Variants in DOCK10 observed in about 807,000 individuals in gnomAD.
DOCK10 encodes dedicator of cytokinesis 10.
Under a neutral mutation model 280.1 loss-of-function variants are expected in DOCK10, and 145 were observed. The observed-to-expected ratio is 0.52, with a 90% confidence interval of 0.45 to 0.59. The LOEUF (loss-of-function observed/expected upper bound fraction) is 0.59. DOCK10 is among the 20% of genes least tolerant of loss of function. The probability of loss-of-function intolerance (pLI) is 0.00; values close to 1 mark genes in which losing one functional copy is unlikely to be tolerated. For missense variants in DOCK10, 2,368 were observed against 2,651.7 expected (o/e 0.89, Z 2.35); for synonymous variants, 915 against 942.2 (o/e 0.97, Z 0.53).
chr2:224,921,318 A>G (rs1369506155), intron 2 of DOCK10, among the ~76,000 whole-genome samples: 1 of 150,636 alleles, frequency 6.6e-6, no homozygotes, highest in Admixed American at 6.6e-5. Context: ...TCAATAAATA[A>G]TAATACTAAC....
At position 224,807,957 on chromosome 2, in the gene DOCK10, T is replaced by G; in HGVS notation, c.3539A>C (p.Lys1180Thr). The change falls in exon 32 of 56, where the codon AAA becomes ACA. Residue 1180 changes from lysine (K) to threonine (T), a missense_variant. Physicochemically the swap from Lys to Thr is moderately conservative, Grantham distance 78 (BLOSUM62 -1). This residue lies in a region of DOCK10 where 1,159 missense variants were observed against 1,400.8 expected (regional missense o/e 0.83). Coordinates refer to ENST00000258390, the MANE Select transcript of DOCK10 (RefSeq NM_014689.3). ...AAATGAATGCTTAGCCATTAGATTTTTTAGGACAGCTAAAGCTAAGTGTCT... is the reference window on the plus strand; with the variant it reads ...AAATGAATGCTTAGCCATTAGATTTGTTAGGACAGCTAAAGCTAAGTGTCT... ...DVRHLALAVL[K>T]NLMAKHSFDD... The G allele has an allele frequency of 6.2e-7, 1 of 1,612,914 alleles. No individual in the cohort carries two copies. The highest frequency in any genetic ancestry group is 1.1e-5 in the South Asian group (1 of 90,912).
At position 225,010,973 on chromosome 2, in the gene DOCK10, G is replaced by A. The variant is rs183409230; in HGVS notation, c.123+31279C>T. On this transcript the variant is annotated intron_variant, in intron 1 of 55. Coordinates refer to ENST00000258390, the MANE Select transcript of DOCK10 (RefSeq NM_014689.3). The stretch of plus-strand genomic sequence containing the variant: ...TCTCAGCTGATGAGTCAAATACTTC[G>A]AAGGGAAAATATAGTAAAATATTTC... Among the ~76,000 whole-genome samples, 6 of 152,242 alleles carry A rather than the reference G, an allele frequency of 3.9e-5. No individual in the cohort carries two copies. In the East Asian group the frequency reaches 9.7e-4, roughly 25 times the overall value.
chr2:224,909,892 TAAAAC>T lies in DOCK10; in HGVS notation c.333+6798_333+6802del, dbSNP rs199659232. On this transcript the variant is annotated intron_variant, in intron 3 of 55. Coordinates refer to ENST00000258390, the MANE Select transcript of DOCK10 (RefSeq NM_014689.3). ...GATAGGGAGGAGAATTAATAACAGATAAAACAGAAAAGGAAGAAGCTGTTCATTTT... is the reference window on the plus strand; with the variant it reads ...GATAGGGAGGAGAATTAATAACAGATAGAAAAGGAAGAAGCTGTTCATTTT... Among the ~76,000 whole-genome samples the T allele has an allele frequency of 5.6e-4, 85 of 151,576 alleles. 1 individual carries two copies. In the East Asian group the frequency reaches 0.016, roughly 28 times the overall value.
chr2:224,964,802 C>T (rs1704638740), intron 1 of DOCK10, among the ~76,000 whole-genome samples: 1 of 152,176 alleles, frequency 6.6e-6, no homozygotes, highest in African/African-American at 2.4e-5. Context: ...TCTCTTCTCC[C>T]TTCGGCCACT....
chr2:224,959,784 C>T (rs1246644246), intron 1 of DOCK10, among the ~76,000 whole-genome samples: 2 of 152,156 alleles, frequency 1.3e-5, no homozygotes, highest in African/African-American at 2.4e-5. Flanking sequence ...AAACGGAAGC[C>T]GACACTGGGA....
intron 26 of DOCK10, among the ~76,000 whole-genome samples, chr2:224,831,089 T>A (rs186368098): frequency 3.3e-5 from 5 of 152,172 alleles, no homozygotes; most frequent in East Asian, 1.9e-4. Flanking sequence ...GTGGTCACCA[T>A]GCCCAGCTAA....
rs66476455 is a variant in DOCK10, at chr2:224,963,996, C to CTTT, written c.124-32331_124-32329dup. On this transcript the variant is annotated intron_variant, in intron 1 of 55. Transcript: ENST00000258390. ...TGTTTTCACAATTTGGTCTAAAATT[C>CTTT]TTTTTTTTTTTTTTTTTTTACAATA... Among the ~76,000 whole-genome samples the CTTT allele has an allele frequency of 5.5e-3, 679 of 122,776 alleles. 7 individuals are homozygous for CTTT. The highest frequency in any genetic ancestry group is 0.019 in the African/African-American group (633 of 33,272). The allele number at this position is 122,776 out of a possible 152,430, so 80.5% of individuals were successfully genotyped here.
chr2:224,960,185 T>A lies in DOCK10; in HGVS notation c.124-28517A>T, dbSNP rs1360541951. Among the ~76,000 whole-genome samples the A allele has an allele frequency of 2.0e-5, 3 of 152,160 alleles. No individual in the cohort carries two copies. In the South Asian group the frequency reaches 6.2e-4, roughly 32 times the overall value. On this transcript the variant is annotated intron_variant, in intron 1 of 55. Transcript: ENST00000258390. ...GCACATTTATTATCATTATTATAAT[T>A]ATTATTGTTATTCCTATTGTTCCTG... is the stretch of plus-strand genomic sequence containing the variant.
At chr2:224,825,135 C>T (rs755222554) in intron 27 of DOCK10, among the ~76,000 whole-genome samples, 1 of 151,946 alleles carries the variant, frequency 6.6e-6, no homozygotes, top group Non-Finnish European at 1.5e-5. Flanking sequence ...CCTGCCACCA[C>T]ACCTGGCTAA....
intron 52 of DOCK10, among the ~76,000 whole-genome samples, chr2:224,773,756 C>T (rs1297422276): frequency 2.6e-5 from 4 of 151,800 alleles, no homozygotes; most frequent in Non-Finnish European, 5.9e-5. Flanking sequence ...CTCAGCCTCT[C>T]GAGTAGCTGG....
chr2:225,007,759 A>G (rs1456399993), intron 1 of DOCK10, among the ~76,000 whole-genome samples: 1 of 152,170 alleles, frequency 6.6e-6, no homozygotes, highest in Non-Finnish European at 1.5e-5. Context: ...TTGCAAGGAG[A>G]GCAATGAAGA....
intron 2 of DOCK10, among the ~76,000 whole-genome samples, chr2:224,930,925 C>A (rs1285806587): frequency 6.6e-6 from 1 of 152,190 alleles, no homozygotes; most frequent in Non-Finnish European, 1.5e-5. Flanking sequence ...TGGGTGCTCA[C>A]CATCCACAAC....
intron 1 of DOCK10, among the ~76,000 whole-genome samples, chr2:225,036,472 T>C (rs941822960): frequency 6.6e-6 from 1 of 152,186 alleles, no homozygotes; most frequent in Non-Finnish European, 1.5e-5. Context: ...TGGCTAAAGA[T>C]GTAGGTTATT....
intron 1 of DOCK10, among the ~76,000 whole-genome samples, chr2:224,950,644 T>C (rs1703678065): frequency 6.6e-6 from 1 of 152,170 alleles, no homozygotes; most frequent in Non-Finnish European, 1.5e-5. Context: ...TAATGTGCAA[T>C]GCTGATTTAG....
rs1038005511 is a variant in DOCK10, at chr2:224,837,755, T to G, written c.2850+7A>C. The G allele has an allele frequency of 6.2e-7, 1 of 1,612,470 alleles. No individual in the cohort carries two copies. Among genetic ancestry groups the G allele is most frequent in the Non-Finnish European group, 8.5e-7 (1 of 1,178,546 alleles). ...GATATGAGCAATTTCCAAGAGGCATTTCATACCTTAATATATGACTGGACA... is the reference window on the plus strand; with the variant it reads ...GATATGAGCAATTTCCAAGAGGCATGTCATACCTTAATATATGACTGGACA... On this transcript the variant is annotated splice_region_variant and intron_variant, in intron 25 of 55. Transcript: ENST00000258390.
chr2:224,962,473 T>G (rs1262840774), intron 1 of DOCK10, among the ~76,000 whole-genome samples: 1 of 152,238 alleles, frequency 6.6e-6, no homozygotes, highest in African/African-American at 2.4e-5. Flanking sequence ...TAACCGATGA[T>G]ATCTCTGATC....
At chr2:224,865,871 A>ACT (rs1167861646) in intron 11 of DOCK10, among the ~76,000 whole-genome samples, 12 of 145,634 alleles carry the variant, frequency 8.2e-5, no homozygotes, top group Admixed American at 1.4e-4. Flanking sequence ...ACACACACAC[A>ACT]CTCTCTCTCT....
intron 7 of DOCK10, among the ~76,000 whole-genome samples, chr2:224,878,917 G>A (rs575271138): frequency 1.3e-5 from 2 of 152,322 alleles, no homozygotes; most frequent in South Asian, 4.1e-4. Flanking sequence ...TATCTGTTGT[G>A]TTCATACTTT....
chr2:224,798,770 T>C (rs1301217506), intron 41 of DOCK10, among the ~76,000 whole-genome samples: 2 of 152,072 alleles, frequency 1.3e-5, no homozygotes, highest in Non-Finnish European at 2.9e-5. Flanking sequence ...TAGCTGGGAC[T>C]ACAGGCATGT....
Sources: allele counts gnomAD v4.1 joint callset (sites outside exome capture counted in the v4.1 genomes callset), GRCh38; gene constraint gnomAD v4.1.1; regional missense constraint gnomAD v4.1.1; transcripts MANE v1.5; gene names NCBI Gene and HGNC (gene_info 2026-07-23, HGNC 2026-07-21).